Variants in CHD1L observed in about 807,000 individuals in gnomAD.
The protein encoded by CHD1L is ATP-dependent chromatin remodeler CHD1L.
A neutral mutation model predicts 115.9 loss-of-function variants in CHD1L; 118 were observed. The observed-to-expected ratio is 1.02, with a 90% CI of 0.88 to 1.19. The LOEUF (loss-of-function observed/expected upper bound fraction) is 1.19. Among genes scored for constraint, CHD1L ranks in the 50% most tolerant of loss-of-function variants. The pLI is 0.00. For missense variants in CHD1L, 1,179 were observed against 1,065.3 expected (o/e 1.11, Z -1.49); for synonymous variants, 411 against 387.1 (o/e 1.06, Z -0.72).
the CHD1L span, chr1:147,204,695 G>A: frequency 6.4e-7 from 1 of 1,553,910 alleles, no homozygotes; most frequent in Non-Finnish European, 8.9e-7. Flanking sequence ...GCAGCAGGAT[G>A]CTGTACTTCT....
chr1:147,229,190 G>A, the CHD1L span, among the ~76,000 whole-genome samples: 1 of 152,134 alleles, frequency 6.6e-6, no homozygotes, highest in South Asian at 2.1e-4. Flanking sequence ...TTTTTATAAG[G>A]TGTAAGGAAG....
In CHD1L at chr1:147,270,976, A is replaced by G; in HGVS notation, c.1130A>G (p.Asp377Gly). The change falls in exon 11 of 23, where the codon GAT becomes GGT. Residue 377 changes from aspartate to glycine, a missense_variant. By Grantham distance (94) the Asp-to-Gly change is moderately conservative. Coordinates refer to ENST00000369258, the MANE Select transcript of CHD1L (RefSeq NM_004284.6). Reference protein sequence around the residue: ...LLFSQMTQMLDILQDYMDYRG... With the variant: ...LLFSQMTQMLGILQDYMDYRG... ...TTCTCCCAAATGACCCAGATGTTGGATATTCTCCAAGACTATATGGATTAC... is the reference window on the plus strand; with the variant it reads ...TTCTCCCAAATGACCCAGATGTTGGGTATTCTCCAAGACTATATGGATTAC... The G allele has an allele frequency of 1.2e-6, 2 of 1,614,020 alleles. No individual in the cohort carries two copies. The highest frequency in any genetic ancestry group is 8.5e-7 in the Non-Finnish European group (1 of 1,179,960).
chr1:147,280,674 G>C (rs1357498025), intron 15 of CHD1L, among the ~76,000 whole-genome samples: 1 of 152,182 alleles, frequency 6.6e-6, no homozygotes, highest in African/African-American at 2.4e-5. Context: ...TCCATGAGAT[G>C]TAGGAGATGG....
At chr1:147,230,044 A>G in the CHD1L span, among the ~76,000 whole-genome samples, 1 of 93,534 alleles carries the variant, frequency 1.1e-5, no homozygotes, top group Non-Finnish European at 1.9e-5. Flanking sequence ...TTCCAACAAT[A>G]TGTTGAATAG....
At position 147,292,955 on chromosome 1, in the gene CHD1L, G is replaced by A. The variant is rs1293920235; in HGVS notation, c.2392-653G>A. Reference sequence around the variant, plus strand: ...AGTGACTAACAGCAAAGTGGTTTCTGTTGAGTCATTCCTTCAGTAATTTCT... The same window carrying A: ...AGTGACTAACAGCAAAGTGGTTTCTATTGAGTCATTCCTTCAGTAATTTCT... On this transcript the variant is annotated intron_variant, in intron 20 of 22. Transcript: ENST00000369258. Among the ~76,000 whole-genome samples, 3 of 152,090 alleles carry A rather than the reference G, an allele frequency of 2.0e-5. No homozygotes were observed. In the East Asian group the frequency reaches 5.8e-4, roughly 29 times the overall value.
At chr1:147,284,570 C>T (rs1682309200) in intron 16 of CHD1L, 71 bp downstream of exon 16, 2 of 1,325,696 alleles carry the variant, frequency 1.5e-6, no homozygotes, top group Admixed American at 5.2e-5. Context: ...AAAAATGATG[C>T]TGGCATCGTT....
chr1:147,175,052 G>C, the CHD1L span: 1 of 152,170 alleles, frequency 6.6e-6, no homozygotes, highest in African/African-American at 2.4e-5. Context: ...TGGATGACAG[G>C]TTAAATTGGG....
rs782025446 is a variant in CHD1L at position 147,257,087 on chromosome 1, C to A, written c.494+525C>A. 2.0e-5 allele frequency among the ~76,000 whole-genome samples: 3 copies of A among 152,226 alleles called. No homozygotes were observed. In the East Asian group the frequency reaches 5.8e-4, roughly 29 times the overall value. ...TTGGCCCATGAAATCAGAAACTCAG[C>A]AATACCACCTAATAATGGGAATGAT... On this transcript the variant is annotated intron_variant, in intron 5 of 22. Coordinates refer to ENST00000369258, the MANE Select transcript of CHD1L (RefSeq NM_004284.6).
chr1:147,213,529 GT>G, the CHD1L span: 2 of 1,428,834 alleles, frequency 1.4e-6, no homozygotes, highest in South Asian at 1.5e-5. Context: ...CTTGCATAGT[GT>G]TACACAAAGG....
Position 147,275,466 on chromosome 1 carries a change from C to T in CHD1L, c.1383C>T (p.Asn461=). The change falls in exon 13 of 23, where the codon AAC becomes AAT. Residue 461 remains asparagine (N), a splice_region_variant and synonymous_variant. Transcript: ENST00000369258. ...CCAGGGCTCATCGCATTGGCCAAAA[C>T]AAGTAAGTGATTTTTTTCTGCTTCC... is the stretch of plus-strand genomic sequence containing the variant. The part of the protein sequence containing the change: ...AAARAHRIGQ[N]KSVKVIRLIG... 6.2e-7 allele frequency: 1 copy of T among 1,612,616 alleles called. No individual in the cohort carries two copies.
At chr1:147,232,835 A>G in the CHD1L span, among the ~76,000 whole-genome samples, 1 of 152,154 alleles carries the variant, frequency 6.6e-6, no homozygotes, top group East Asian at 1.9e-4. Context: ...CAGTGGCGTG[A>G]TCTCGGCTCG....
At chr1:147,176,042 G>C in the CHD1L span, 2 of 152,032 alleles carry the variant, frequency 1.3e-5, no homozygotes, top group Non-Finnish European at 2.9e-5. Context: ...GACTGCAGTG[G>C]AGTTATTGAT....
chr1:147,229,558 T>A, the CHD1L span, among the ~76,000 whole-genome samples: 11 of 152,100 alleles, frequency 7.2e-5, no homozygotes, highest in East Asian at 1.9e-4. Context: ...AGTCATTGGT[T>A]GCTTGATGGG....
chr1:147,188,120 A>G, the CHD1L span, among the ~76,000 whole-genome samples: 2 of 152,204 alleles, frequency 1.3e-5, no homozygotes, highest in African/African-American at 2.4e-5. Flanking sequence ...TTAGGAGAGA[A>G]AAAGGTAAAA....
chr1:147,181,670 C>G, the CHD1L span, among the ~76,000 whole-genome samples: 3 of 152,200 alleles, frequency 2.0e-5, no homozygotes, highest in Non-Finnish European at 2.9e-5. Context: ...AGTCACCATA[C>G]TAGTATTTTT....
the CHD1L span, among the ~76,000 whole-genome samples, chr1:147,231,783 C>T: frequency 9.0e-3 from 1,363 of 152,188 alleles, 11 homozygotes; most frequent in Middle Eastern, 0.048. Flanking sequence ...ATTGGAAAAG[C>T]GCAGTATTAG....
intron 1 of CHD1L, among the ~76,000 whole-genome samples, chr1:147,246,418 G>C (rs917567907): frequency 7.2e-5 from 11 of 152,196 alleles, no homozygotes; most frequent in African/African-American, 2.7e-4. Context: ...TGTAATAAAT[G>C]CCTAGGAGTG....
At chr1:147,186,210 T>G in the CHD1L span, 15 of 524,168 alleles carry the variant, frequency 2.9e-5, no homozygotes, top group Non-Finnish European at 3.7e-5. Flanking sequence ...TCAACCAAGT[T>G]GATCTCATTG....
the CHD1L span, chr1:147,179,005 A>G: frequency 6.2e-7 from 1 of 1,613,962 alleles, no homozygotes; most frequent in Non-Finnish European, 8.5e-7. Flanking sequence ...GCACAAACTC[A>G]ACTTTGCTGT....
Sources: allele counts gnomAD v4.1 joint callset (sites outside exome capture counted in the v4.1 genomes callset), GRCh38; gene constraint gnomAD v4.1.1; transcripts MANE v1.5; gene names NCBI Gene and HGNC (gene_info 2026-07-23, HGNC 2026-07-21).